COQ2: variants seen among roughly 807,000 people sequenced by gnomAD.
COQ2 encodes 4-hydroxybenzoate polyprenyltransferase, mitochondrial.
Under a neutral mutation model 35.7 loss-of-function variants are expected in COQ2, and 25 were observed. That is an observed-to-expected ratio of 0.70 (90% CI 0.51 to 0.98). The LOEUF (loss-of-function observed/expected upper bound fraction) is 0.98, where lower values mean the gene tolerates loss of function less well. Ranked by LOEUF, COQ2 falls within the 50% of genes least tolerant of loss-of-function variation. The probability of loss-of-function intolerance (pLI) is 0.00; values close to 1 mark genes in which losing one functional copy is unlikely to be tolerated. For missense variants in COQ2, 488 were observed against 473.5 expected, an observed-to-expected ratio of 1.03 and a Z score of -0.28; for synonymous variants, 206 against 186.2, an observed-to-expected ratio of 1.11 and a Z score of -0.86.
chr4:83,272,988 C>A (rs1188555572), intron 3 of COQ2, among the ~76,000 whole-genome samples: 1 of 152,142 alleles, frequency 6.6e-6, no homozygotes, highest in African/African-American at 2.4e-5. Flanking sequence ...TTGTAAACCG[C>A]AATCTGATAC....
intron 5 of COQ2, among the ~76,000 whole-genome samples, chr4:83,268,179 T>A (rs1276528182): frequency 6.6e-6 from 1 of 152,250 alleles, no homozygotes; most frequent in African/African-American, 2.4e-5. Flanking sequence ...CAAATCTCAA[T>A]AATCTCCTAT....
At chr4:83,275,898 T>C (rs945756404) in intron 2 of COQ2, among the ~76,000 whole-genome samples, 1 of 151,210 alleles carries the variant, frequency 6.6e-6, no homozygotes, top group Admixed American at 6.6e-5. Flanking sequence ...AGGCTTATAC[T>C]AAGCTACAAA....
chr4:83,270,844 A>G (rs543745631), intron 4 of COQ2, among the ~76,000 whole-genome samples: 3 of 152,318 alleles, frequency 2.0e-5, no homozygotes, highest in African/African-American at 7.2e-5. Flanking sequence ...AGCACGAAGT[A>G]AATGTAGGGG....
Position 83,284,686 on chromosome 4 carries a change from G to T in COQ2, c.79C>A (p.Arg27Ser). ...ALAWLPGWRG[R>S]SFALARAAGA... ...GCCGCACGCGCCAGGGCGAAGGAGCGGCCCCGCCAGCCCGGCAGCCACGCC... is the reference window on the plus strand; with the variant it reads ...GCCGCACGCGCCAGGGCGAAGGAGCTGCCCCGCCAGCCCGGCAGCCACGCC... Residue 27 changes from arginine (R) to serine (S), a missense_variant, in exon 1 of 7, where the codon CGC (arginine) becomes AGC (serine). Physicochemically the swap from Arg to Ser is moderately radical, Grantham distance 110. Coordinates refer to ENST00000647002, the MANE Select transcript of COQ2 (RefSeq NM_001358921.2). The T allele has an allele frequency of 6.8e-7, 1 of 1,472,372 alleles. No individual in the cohort carries two copies. The highest frequency in any genetic ancestry group is 1.3e-5 in the South Asian group (1 of 75,600). The allele number at this position is 1,472,372 out of a possible 1,614,324, so 91.2% of individuals were successfully genotyped here. A position where few individuals can be genotyped will look rare whatever the true frequency, so the allele number is the denominator to read the frequency against.
At chr4:83,270,703 G>A (rs1378824243) in intron 4 of COQ2, among the ~76,000 whole-genome samples, 1 of 151,998 alleles carries the variant, frequency 6.6e-6, no homozygotes, top group African/African-American at 2.4e-5. Flanking sequence ...CTCCTTTGTG[G>A]TCCCATAGCA....
At chr4:83,280,540 T>C (rs1735296432) in intron 1 of COQ2, among the ~76,000 whole-genome samples, 1 of 152,240 alleles carries the variant, frequency 6.6e-6, no homozygotes, top group South Asian at 2.1e-4. Context: ...GAAAGGGGGC[T>C]TCTGCCTTCA....
At chr4:83,279,217 C>CA (rs1444523735) in intron 1 of COQ2, 103 bp from the exon 2 acceptor site, 19 of 1,318,144 alleles carry the variant, frequency 1.4e-5, no homozygotes, top group Admixed American at 1.1e-4. Flanking sequence ...CACTATAAGT[C>CA]AAAAAAACAA....
chr4:83,279,821 CT>C (rs1265998801), intron 1 of COQ2, among the ~76,000 whole-genome samples: 1 of 150,054 alleles, frequency 6.7e-6, no homozygotes, highest in African/African-American at 2.4e-5. Flanking sequence ...GCAAAATTTC[CT>C]TTACCATTGT....
chr4:83,279,150 T>G, intron 1 of COQ2, 36 bp from the exon 2 acceptor site: 2 of 1,511,110 alleles, frequency 1.3e-6, no homozygotes, highest in Middle Eastern at 3.4e-4. Context: ...AGGTACAAAT[T>G]TAAGTCAGTT....
intron 6 of COQ2, among the ~76,000 whole-genome samples, 199 bp downstream of exon 6, chr4:83,267,387 T>A (rs1187569546): frequency 1.3e-5 from 2 of 151,854 alleles, no homozygotes; most frequent in Non-Finnish European, 1.5e-5. Context: ...TCAAAAAAAA[T>A]TTAAAAATAA....
chr4:83,278,914 A>C, intron 2 of COQ2, 34 bp downstream of exon 2: 1 of 1,527,982 alleles, frequency 6.5e-7, no homozygotes, highest in Non-Finnish European at 8.8e-7. Flanking sequence ...AGAATTGAGA[A>C]GAGCCTCTCT....
At chr4:83,270,052 G>A in intron 4 of COQ2, 59 bp from the exon 5 acceptor site, 2 of 1,565,952 alleles carry the variant, frequency 1.3e-6, no homozygotes, top group East Asian at 2.3e-5. Context: ...AATCCTAAAG[G>A]GAAGGAGTGG....
intron 6 of COQ2, chr4:83,267,038 C>A: frequency 5.5e-6 from 2 of 366,508 alleles, no homozygotes. Flanking sequence ...CCAGGAAAAT[C>A]AGATGGGAAA....
intron 1 of COQ2, chr4:83,283,370 T>C (rs865923189): frequency 1.0e-6 from 1 of 985,328 alleles, no homozygotes; most frequent in South Asian, 4.7e-5. Context: ...TATGTTCTTG[T>C]CTAGTCTCGT....
intron 2 of COQ2, among the ~76,000 whole-genome samples, chr4:83,274,612 T>A (rs1337684154): frequency 6.6e-6 from 1 of 152,216 alleles, no homozygotes; most frequent in Non-Finnish European, 1.5e-5. Flanking sequence ...ATTTTAAAAT[T>A]TTCTTTAGTT....
chr4:83,279,586 A>AATATAT (rs143582086), intron 1 of COQ2, among the ~76,000 whole-genome samples: 1 of 150,396 alleles, frequency 6.6e-6, no homozygotes, highest in African/African-American at 2.4e-5. Context: ...TGTGTATATA[A>AATATAT]ATATATATAT....
chr4:83,282,367 A>G (rs1349167719), intron 1 of COQ2, among the ~76,000 whole-genome samples: 1 of 152,230 alleles, frequency 6.6e-6, no homozygotes, highest in Non-Finnish European at 1.5e-5. Context: ...AACAACGAAC[A>G]CATAATTATC....
Position 83,284,673 on chromosome 4 carries a change from A to G in COQ2, c.92T>C (p.Leu31Pro). The G allele has an allele frequency of 1.4e-6, 2 of 1,464,270 alleles. No individual in the cohort carries two copies. Among genetic ancestry groups the G allele is most frequent in the Non-Finnish European group, 1.8e-6 (2 of 1,114,246 alleles). 90.7% of individuals were successfully genotyped at this position (1,464,270 alleles called of 1,614,324 possible). A position where few individuals can be genotyped will look rare whatever the true frequency, so the allele number is the denominator to read the frequency against. Residue 31 changes from leucine to proline, a missense_variant, in exon 1 of 7, where the codon CTG becomes CCG. Transcript: ENST00000647002. ...LPGWRGRSFA[L>P]ARAAGAPHGG... The stretch of plus-strand genomic sequence containing the variant: ...GTGGGGCGCGCCTGCCGCACGCGCC[A>G]GGGCGAAGGAGCGGCCCCGCCAGCC...
chr4:83,267,594 T>C lies in COQ2; in HGVS notation c.943A>G (p.Thr315Ala). Residue 315 changes from threonine (T) to alanine (A), a missense_variant, in exon 6 of 7, where the codon ACT becomes GCT. Thr to Ala is a moderately conservative substitution (Grantham distance 58, BLOSUM62 0). Transcript: ENST00000647002. ...TAAGAAAAAGGTCAAACCTGGTGAGTCAGATGGGCTCCTACAGCACCCAGG... is the reference window on the plus strand; with the variant it reads ...TAAGAAAAAGGTCAAACCTGGTGAGCCAGATGGGCTCCTACAGCACCCAGG... ...AALGAVGAHL[T>A]HQIYTLDIHR... The C allele has an allele frequency of 6.4e-7, 1 of 1,566,238 alleles. No individual in the cohort carries two copies. Among genetic ancestry groups the C allele is most frequent in the South Asian group, 1.2e-5 (1 of 82,076 alleles).
Sources: allele counts gnomAD v4.1 joint callset (sites outside exome capture counted in the v4.1 genomes callset), GRCh38; gene constraint gnomAD v4.1.1; transcripts MANE v1.5; gene names NCBI Gene and HGNC (gene_info 2026-07-23, HGNC 2026-07-21).